The following TENM2 variants were observed in gnomAD, a reference collection of about 807,000 sequenced individuals.
TENM2 encodes the protein teneurin transmembrane protein 2.
In TENM2, 52 loss-of-function variants were observed where a neutral mutation model predicts 245.2. The observed-to-expected ratio is 0.21, with a 90% confidence interval of 0.17 to 0.27. TENM2 has a LOEUF of 0.27. TENM2 is among the 10% of genes least tolerant of loss of function. The probability of loss-of-function intolerance (pLI) is 1.00; values close to 1 mark genes in which losing one functional copy is unlikely to be tolerated. For synonymous variants in TENM2, 1,363 were observed against 1,438.9 expected (o/e 0.95, Z 1.19); for missense variants, 3,046 against 3,666.8 (o/e 0.83, Z 4.37).
chr5:168,085,204 G>A (rs1792343214), intron 7 of TENM2: 1 of 152,202 alleles, frequency 6.6e-6, no homozygotes, highest in Non-Finnish European at 1.5e-5. Flanking sequence ...CATGTAGCAA[G>A]TGCCCAGGCA....
rs950856807 is a variant in TENM2, at chr5:168,231,572, A to T, written c.5520+3442A>T. On this transcript the variant is annotated intron_variant, in intron 25 of 28. Transcript: ENST00000518659. ...TGGTGAGCCCTACCTGGACTTCATT[A>T]GCAGAGTGATGTGCTGGGATGTGTG... Among the ~76,000 whole-genome samples, 10 of 152,332 alleles carry T rather than the reference A, an allele frequency of 6.6e-5. No homozygotes were observed. In the East Asian group the frequency reaches 1.7e-3, roughly 26 times the overall value.
At chr5:167,872,524 G>C (rs1290831984) in intron 2 of TENM2, among the ~76,000 whole-genome samples, 3 of 51,322 alleles carry the variant, frequency 5.8e-5, no homozygotes, top group African/African-American at 1.6e-4. Context: ...AAGAAAGAAA[G>C]AAAGAAAGAA....
intron 2 of TENM2, among the ~76,000 whole-genome samples, chr5:167,534,691 G>T (rs1054177938): frequency 5.9e-5 from 9 of 152,112 alleles, no homozygotes; most frequent in African/African-American, 2.2e-4. Context: ...AATTAATTTG[G>T]TGTGCGGGAT....
chr5:167,151,749 C>T, the TENM2 span, among the ~76,000 whole-genome samples: 56 of 152,264 alleles, frequency 3.7e-4, no homozygotes, highest in African/African-American at 1.1e-3. Context: ...GATCTCTTGA[C>T]CTTGTGATCC....
chr5:167,528,387 G>A (rs1040631547), intron 2 of TENM2, among the ~76,000 whole-genome samples: 5 of 152,112 alleles, frequency 3.3e-5, no homozygotes, highest in African/African-American at 1.2e-4. Flanking sequence ...TGTGAACAAA[G>A]CATGGGTACT....
At chr5:167,755,645 G>A (rs1019518231) in intron 2 of TENM2, among the ~76,000 whole-genome samples, 4 of 152,068 alleles carry the variant, frequency 2.6e-5, no homozygotes, top group Admixed American at 6.6e-5. Flanking sequence ...TAATGAAAAC[G>A]TGGGATTGGC....
the TENM2 span, among the ~76,000 whole-genome samples, chr5:167,254,469 G>A: frequency 6.6e-6 from 1 of 152,104 alleles, no homozygotes. Context: ...CTACTTCTAA[G>A]GTAGAGTAGA....
chr5:167,749,210 C>T (rs1370903257), intron 2 of TENM2, among the ~76,000 whole-genome samples: 1 of 151,972 alleles, frequency 6.6e-6, no homozygotes, highest in Non-Finnish European at 1.5e-5. Flanking sequence ...CTATACAAGG[C>T]ATTATACTAA....
At chr5:168,253,920 C>A (rs1187997903) in intron 27 of TENM2, among the ~76,000 whole-genome samples, 1 of 152,218 alleles carries the variant, frequency 6.6e-6, no homozygotes, top group African/African-American at 2.4e-5. Flanking sequence ...TTCAGTGACC[C>A]TCCTAGACGT....
chr5:167,872,500 G>GA (rs1346113987), intron 2 of TENM2, among the ~76,000 whole-genome samples: 1 of 12,558 alleles, frequency 8.0e-5, no homozygotes, highest in Non-Finnish European at 3.3e-4. Context: ...AAGAAAGAAA[G>GA]AAAGAAAGAA....
At chr5:167,046,394 A>G in the TENM2 span, among the ~76,000 whole-genome samples, 1 of 152,162 alleles carries the variant, frequency 6.6e-6, no homozygotes, top group Non-Finnish European at 1.5e-5. Context: ...AATCAGTGTC[A>G]TTTTTTATAT....
At chr5:167,922,521 A>G (rs116387238) in intron 3 of TENM2, among the ~76,000 whole-genome samples, 1,548 of 151,804 alleles carry the variant, frequency 0.01, 31 homozygotes, top group African/African-American at 0.035. Flanking sequence ...AAGTCCTCAC[A>G]CTCTGCCTTG....
the TENM2 span, among the ~76,000 whole-genome samples, chr5:167,242,532 A>G: frequency 6.6e-6 from 1 of 152,128 alleles, no homozygotes; most frequent in East Asian, 1.9e-4. Flanking sequence ...CCCCTAAGAC[A>G]ACAAGACCAA....
the TENM2 span, among the ~76,000 whole-genome samples, chr5:167,262,208 A>C: frequency 2.6e-5 from 4 of 152,182 alleles, no homozygotes; most frequent in Non-Finnish European, 5.9e-5. Flanking sequence ...AAAATACAAA[A>C]TTAGCCTGGG....
the TENM2 span, among the ~76,000 whole-genome samples, chr5:167,213,162 T>C: frequency 3.9e-5 from 6 of 152,378 alleles, 1 homozygote; most frequent in East Asian, 1.2e-3. Flanking sequence ...CAAATAATTT[T>C]GGTAATTATT....
intron 20 of TENM2, 44 bp downstream of exon 22, chr5:168,211,798 T>C: frequency 2.4e-6 from 3 of 1,241,786 alleles, no homozygotes; most frequent in Non-Finnish European, 3.4e-6. Flanking sequence ...TATGGTTCGT[T>C]TGCTTCCTTG....
chr5:167,941,331 C>A (rs1779161255), intron 3 of TENM2, among the ~76,000 whole-genome samples: 1 of 152,136 alleles, frequency 6.6e-6, no homozygotes, highest in Non-Finnish European at 1.5e-5. Flanking sequence ...GAGAATTTAT[C>A]AAAGGACAAA....
At chr5:167,060,284 T>C in the TENM2 span, among the ~76,000 whole-genome samples, 1 of 152,070 alleles carries the variant, frequency 6.6e-6, no homozygotes, top group Non-Finnish European at 1.5e-5. Context: ...TAAGTTCACA[T>C]AGAAACATAA....
intron 2 of TENM2, among the ~76,000 whole-genome samples, chr5:167,684,049 A>G (rs1756917167): frequency 6.6e-6 from 1 of 152,210 alleles, no homozygotes; most frequent in African/African-American, 2.4e-5. Context: ...CTGGCGAAAG[A>G]ACCACCAGTG....
Sources: gnomAD v4.1 joint callset for allele counts (sites outside exome capture counted in the v4.1 genomes callset) on GRCh38, gnomAD v4.1.1 for gene constraint, MANE v1.5 for transcripts, NCBI Gene and HGNC (gene_info 2026-07-23, HGNC 2026-07-21) for gene names.